SGCZ: variants seen among roughly 807,000 people sequenced by gnomAD.
SGCZ encodes the protein sarcoglycan zeta.
A neutral mutation model predicts 41.3 loss-of-function variants in SGCZ; 40 were observed. The observed-to-expected ratio is 0.97, with a 90% confidence interval of 0.75 to 1.26. SGCZ has a LOEUF of 1.26. Ranked by LOEUF, SGCZ falls within the 50% of genes most tolerant of loss-of-function variation. The probability of loss-of-function intolerance (pLI) is 0.00; values close to 1 mark genes in which losing one functional copy is unlikely to be tolerated. For synonymous variants in SGCZ, 206 were observed against 137.5 expected, an observed-to-expected ratio of 1.50 and a Z score of -3.49; for missense variants, 552 against 369.8, an observed-to-expected ratio of 1.49 and a Z score of -4.04.
At chr8:14,712,113 A>G (rs6980658) in intron 1 of SGCZ, among the ~76,000 whole-genome samples, 44 of 152,322 alleles carry the variant, frequency 2.9e-4, no homozygotes, top group African/African-American at 9.9e-4. Flanking sequence ...TACTAAAAGA[A>G]AAACTAAAGC....
intron 1 of SGCZ, among the ~76,000 whole-genome samples, chr8:14,839,904 T>C (rs886222187): frequency 6.6e-6 from 1 of 152,200 alleles, no homozygotes; most frequent in Non-Finnish European, 1.5e-5. Flanking sequence ...TCAGTAGAAA[T>C]GATATTAACA....
intron 1 of SGCZ, among the ~76,000 whole-genome samples, chr8:15,218,586 C>A (rs564592922): frequency 1.3e-5 from 2 of 152,332 alleles, no homozygotes; most frequent in South Asian, 2.1e-4. Flanking sequence ...CAGATTTTAA[C>A]ATGGCCACCT....
intron 1 of SGCZ, among the ~76,000 whole-genome samples, chr8:14,613,150 T>G (rs952419296): frequency 3.3e-5 from 5 of 152,150 alleles, no homozygotes; most frequent in Admixed American, 3.3e-4. Flanking sequence ...GGGTGCATGC[T>G]GAGTGGGGGC....
chr8:14,595,488 G>A (rs1022003580), intron 1 of SGCZ, among the ~76,000 whole-genome samples: 19 of 151,342 alleles, frequency 1.3e-4, no homozygotes, highest in African/African-American at 4.4e-4. Flanking sequence ...CGGATTCATA[G>A]GCAGAACTAT....
chr8:14,727,154 T>C (rs1810081939), intron 1 of SGCZ, among the ~76,000 whole-genome samples: 1 of 152,104 alleles, frequency 6.6e-6, no homozygotes, highest in Non-Finnish European at 1.5e-5. Flanking sequence ...AAATTTATAA[T>C]AATGAAAATA....
At chr8:14,755,265 T>C (rs1338496521) in intron 1 of SGCZ, among the ~76,000 whole-genome samples, 1 of 152,184 alleles carries the variant, frequency 6.6e-6, no homozygotes, top group Non-Finnish European at 1.5e-5. Flanking sequence ...GCTGTTTGTT[T>C]GCGGCTGTAG....
intron 1 of SGCZ, among the ~76,000 whole-genome samples, chr8:14,836,920 C>G (rs1802720013): frequency 6.6e-6 from 1 of 152,152 alleles, no homozygotes; most frequent in Non-Finnish European, 1.5e-5. Context: ...CTTGTATTAA[C>G]CCACTTGTCC....
chr8:14,288,727 A>C (rs1185315769), intron 3 of SGCZ, among the ~76,000 whole-genome samples: 1 of 152,160 alleles, frequency 6.6e-6, no homozygotes, highest in East Asian at 1.9e-4. Context: ...CAATGTAAAT[A>C]GTACTGTTAT....
intron 1 of SGCZ, among the ~76,000 whole-genome samples, chr8:15,186,913 C>A (rs1458233799): frequency 2.0e-5 from 3 of 152,004 alleles, no homozygotes; most frequent in Admixed American, 6.6e-5. Context: ...AACAGCAATG[C>A]CTCTGAATGC....
At chr8:14,508,328 G>A (rs1283974118) in intron 2 of SGCZ, among the ~76,000 whole-genome samples, 2 of 152,072 alleles carry the variant, frequency 1.3e-5, no homozygotes, top group Admixed American at 6.6e-5. Context: ...TTGAATGAAT[G>A]AGTAAAATAG....
chr8:14,840,633 TCTAA>T (rs1321895315), intron 1 of SGCZ, among the ~76,000 whole-genome samples: 27 of 152,142 alleles, frequency 1.8e-4, no homozygotes, highest in African/African-American at 5.1e-4. Context: ...TCTCTTGCAC[TCTAA>T]CTATCTTAAC....
chr8:14,326,480 T>A (rs1253045036), intron 2 of SGCZ, among the ~76,000 whole-genome samples: 1 of 152,122 alleles, frequency 6.6e-6, no homozygotes, highest in East Asian at 1.9e-4. Context: ...TAAAGGATAA[T>A]GACCACAGAG....
At chr8:14,278,211 T>G (rs1010077399) in intron 3 of SGCZ, among the ~76,000 whole-genome samples, 1 of 152,164 alleles carries the variant, frequency 6.6e-6, no homozygotes, top group Admixed American at 6.5e-5. Context: ...ATATCGCCCC[T>G]CCTCCGTAAG....
intron 3 of SGCZ, among the ~76,000 whole-genome samples, chr8:14,244,922 G>A (rs1027373655): frequency 6.6e-6 from 1 of 151,912 alleles, no homozygotes; most frequent in Non-Finnish European, 1.5e-5. Context: ...AAGAATGCTT[G>A]TGATTTTTGT....
At chr8:14,608,368 G>A (rs1805819630) in intron 1 of SGCZ, among the ~76,000 whole-genome samples, 1 of 151,798 alleles carries the variant, frequency 6.6e-6, no homozygotes, top group South Asian at 2.1e-4. Context: ...CCGTTCTGCA[G>A]GCTGCACAAG....
chr8:14,382,097 A>G (rs1242711786), intron 2 of SGCZ, among the ~76,000 whole-genome samples: 1 of 152,070 alleles, frequency 6.6e-6, no homozygotes, highest in Non-Finnish European at 1.5e-5. Context: ...TTCCTCTAAC[A>G]TTTTTCACTA....
intron 1 of SGCZ, among the ~76,000 whole-genome samples, chr8:14,878,198 CT>C (rs540663370): frequency 0.011 from 1,546 of 141,548 alleles, 6 homozygotes; most frequent in African/African-American, 0.017. Flanking sequence ...TTCTTTTTTT[CT>C]TTTTTTTTTT....
At chr8:15,045,081 A>ATATTTATT (rs58199682) in intron 1 of SGCZ, among the ~76,000 whole-genome samples, 50 of 151,728 alleles carry the variant, frequency 3.3e-4, no homozygotes, top group Non-Finnish European at 6.8e-4. Context: ...TGAGCTTTTT[A>ATATTTATT]TATTTATTTA....
chr8:14,594,922 G>C (rs1449118059), intron 1 of SGCZ, among the ~76,000 whole-genome samples: 1 of 151,748 alleles, frequency 6.6e-6, no homozygotes, highest in Non-Finnish European at 1.5e-5. Context: ...AGTCACTTTT[G>C]ATAACTCAAT....
Sources: gnomAD v4.1 joint callset for allele counts (sites outside exome capture counted in the v4.1 genomes callset) on GRCh38, gnomAD v4.1.1 for gene constraint, MANE v1.5 for transcripts, NCBI Gene and HGNC (gene_info 2026-07-23, HGNC 2026-07-21) for gene names.